LRMDA: variants seen among roughly 807,000 people sequenced by gnomAD.
LRMDA encodes leucine rich melanocyte differentiation associated.
In LRMDA, 18 loss-of-function variants were observed where a neutral mutation model predicts 29.8. The observed-to-expected ratio is 0.60, with a 90% CI of 0.42 to 0.90. The LOEUF (loss-of-function observed/expected upper bound fraction) is 0.90. LRMDA is among the 40% of genes least tolerant of loss of function. The pLI is 0.00. For synonymous variants in LRMDA, 125 were observed against 109.4 expected (o/e 1.14, Z -0.89); for missense variants, 273 against 273.9 (o/e 1.00, Z 0.02).
chr10:75,913,984 G>A (rs532805569), intron 2 of LRMDA, among the ~76,000 whole-genome samples: 4 of 152,316 alleles, frequency 2.6e-5, no homozygotes, highest in Middle Eastern at 3.4e-3. Flanking sequence ...CTCCTTGAGC[G>A]TTTCCACTGT....
intron 2 of LRMDA, among the ~76,000 whole-genome samples, chr10:76,023,799 G>T (rs1326730163): frequency 2.0e-5 from 3 of 152,166 alleles, no homozygotes; most frequent in Non-Finnish European, 2.9e-5. Context: ...TCTTCTGGAG[G>T]TTTAGCCACT....
intron 5 of LRMDA, among the ~76,000 whole-genome samples, chr10:76,162,703 C>A (rs552083090): frequency 2.0e-5 from 3 of 152,118 alleles, no homozygotes; most frequent in Admixed American, 1.3e-4. Context: ...AATCCATCAC[C>A]GTGATCCAAT....
chr10:76,115,266 T>C (rs1236257596), intron 5 of LRMDA, among the ~76,000 whole-genome samples: 1 of 152,258 alleles, frequency 6.6e-6, no homozygotes, highest in African/African-American at 2.4e-5. Flanking sequence ...GGGAGATTGC[T>C]CATAGGTATA....
chr10:75,522,146 C>T (rs1230654993), intron 2 of LRMDA, among the ~76,000 whole-genome samples: 1 of 152,176 alleles, frequency 6.6e-6, no homozygotes, highest in Non-Finnish European at 1.5e-5. Flanking sequence ...TGTTCTATGC[C>T]CTTCACATGT....
chr10:76,086,844 A>T (rs1415347396), intron 5 of LRMDA, among the ~76,000 whole-genome samples: 1 of 152,234 alleles, frequency 6.6e-6, no homozygotes, highest in African/African-American at 2.4e-5. Flanking sequence ...TGTACAGGGC[A>T]TCTCAGTATA....
At chr10:75,874,594 G>C (rs1290761390) in intron 2 of LRMDA, among the ~76,000 whole-genome samples, 1 of 152,160 alleles carries the variant, frequency 6.6e-6, no homozygotes, top group Non-Finnish European at 1.5e-5. Flanking sequence ...TTAGGGACTT[G>C]CCTAAAGTCA....
At chr10:76,306,272 T>C (rs1342062034) in intron 5 of LRMDA, among the ~76,000 whole-genome samples, 1 of 152,220 alleles carries the variant, frequency 6.6e-6, no homozygotes, top group Admixed American at 6.5e-5. Flanking sequence ...ATTTTAGCTA[T>C]CCTGATATAG....
chr10:75,913,826 T>C (rs114123917), intron 2 of LRMDA, among the ~76,000 whole-genome samples: 1,820 of 152,260 alleles, frequency 0.012, 39 homozygotes, highest in African/African-American at 0.041. Flanking sequence ...GCCCCTGAAA[T>C]TGGGTCCGGC....
chr10:76,477,889 A>T (rs1842693282), intron 6 of LRMDA, among the ~76,000 whole-genome samples: 1 of 152,202 alleles, frequency 6.6e-6, no homozygotes, highest in African/African-American at 2.4e-5. Context: ...TACACCTTAT[A>T]GAAAAATTAA....
At chr10:75,659,725 G>A (rs1005257433) in intron 2 of LRMDA, among the ~76,000 whole-genome samples, 2 of 152,138 alleles carry the variant, frequency 1.3e-5, no homozygotes, top group Non-Finnish European at 2.9e-5. Context: ...TATACAGCAT[G>A]GTGACCATAG....
At chr10:76,048,940 G>T (rs1179990996) in intron 4 of LRMDA, among the ~76,000 whole-genome samples, 2 of 152,080 alleles carry the variant, frequency 1.3e-5, no homozygotes, top group African/African-American at 4.8e-5. Flanking sequence ...TTTTCTGGAG[G>T]TGGCTTGAAA....
intron 5 of LRMDA, among the ~76,000 whole-genome samples, chr10:76,193,664 A>G (rs1851284537): frequency 6.6e-6 from 1 of 152,158 alleles, no homozygotes; most frequent in African/African-American, 2.4e-5. Flanking sequence ...AATGACAGTG[A>G]ACAGAATATA....
intron 5 of LRMDA, among the ~76,000 whole-genome samples, chr10:76,183,330 A>G (rs188633230): frequency 1.9e-4 from 29 of 152,362 alleles, no homozygotes; most frequent in African/African-American, 6.5e-4. Flanking sequence ...AAGATTTGAA[A>G]TAGATTTCAA....
chr10:76,002,215 C>T (rs1309578051), intron 2 of LRMDA, among the ~76,000 whole-genome samples: 1 of 152,174 alleles, frequency 6.6e-6, no homozygotes, highest in Admixed American at 6.5e-5. Flanking sequence ...GGGCACCAGT[C>T]CCATGATGAG....
chr10:75,709,608 G>C lies in LRMDA; in HGVS notation c.131+271114G>C, dbSNP rs114820946. ...GGTCAATTAATCGTGCAGAAGTCAT[G>C]ATATTTGGGAAGCCAAGGTCCTTCT... On this transcript the variant is annotated intron_variant, in intron 2 of 6. Transcript: ENST00000611255. Among the ~76,000 whole-genome samples, 848 of 152,284 alleles carry C rather than the reference G, an allele frequency of 5.6e-3. 7 individuals carry two copies. Among genetic ancestry groups the C allele is most frequent in the African/African-American group, 0.019 (809 of 41,556 alleles).
intron 2 of LRMDA, among the ~76,000 whole-genome samples, chr10:75,755,404 A>G (rs534519928): frequency 6.6e-6 from 1 of 152,322 alleles, no homozygotes; most frequent in Admixed American, 6.5e-5. Flanking sequence ...ATGATTAGGA[A>G]CTCCATTAGT....
chr10:75,917,924 G>A (rs181721475), intron 2 of LRMDA, among the ~76,000 whole-genome samples: 22 of 151,386 alleles, frequency 1.5e-4, no homozygotes, highest in Admixed American at 9.9e-4. Context: ...TGTGGTGGTC[G>A]GTGCACACAC....
At position 76,288,709 on chromosome 10, in the gene LRMDA, A is replaced by G. The variant is rs892574706; in HGVS notation, c.517-35692A>G. 2.0e-5 allele frequency among the ~76,000 whole-genome samples: 3 copies of G among 152,304 alleles called. 1 individual carries two copies. Among genetic ancestry groups the G allele is most frequent in the Non-Finnish European group, 1.5e-5 (1 of 68,012 alleles). On this transcript the variant is annotated intron_variant, in intron 5 of 6. Transcript: ENST00000611255. ...ACTACTACAATTCTTTTTAAATGCTATGACCAGATTTGCACCTCCAACCCC... is the reference window on the plus strand; with the variant it reads ...ACTACTACAATTCTTTTTAAATGCTGTGACCAGATTTGCACCTCCAACCCC...
intron 1 of LRMDA, among the ~76,000 whole-genome samples, chr10:75,432,219 T>C (rs1256953850): frequency 6.6e-6 from 1 of 152,268 alleles, no homozygotes; most frequent in Non-Finnish European, 1.5e-5. Flanking sequence ...GGAAGGGGTT[T>C]ATGAAGGCAA....
Sources: gnomAD v4.1 joint callset for allele counts (sites outside exome capture counted in the v4.1 genomes callset) on GRCh38, gnomAD v4.1.1 for gene constraint, MANE v1.5 for transcripts, NCBI Gene and HGNC (gene_info 2026-07-23, HGNC 2026-07-21) for gene names.